The following PALB2 variants were observed in gnomAD, a reference collection of about 807,000 sequenced individuals.
The protein encoded by PALB2 is mutant partner and localizer of BRCA2.
PALB2 carries 82 observed loss-of-function variants against 107.4 expected under a neutral mutation model. That is an observed-to-expected ratio of 0.76 (90% CI 0.64 to 0.92). The LOEUF (loss-of-function observed/expected upper bound fraction) is 0.92. Among genes scored for constraint, PALB2 ranks in the 40% least tolerant of loss-of-function variants. The probability of loss-of-function intolerance (pLI) is 0.00; values close to 1 mark genes in which losing one functional copy is unlikely to be tolerated. For synonymous variants in PALB2, 489 were observed against 496.8 expected (o/e 0.98, Z 0.21); for missense variants, 1,374 against 1,379.9 (o/e 1.00, Z 0.07).
intron 9 of PALB2, among the ~76,000 whole-genome samples, chr16:23,622,277 TA>T (rs1966786316): frequency 6.6e-6 from 1 of 152,188 alleles, no homozygotes; most frequent in African/African-American, 2.4e-5. Context: ...GGTAGAAATG[TA>T]TGTTTGCAAG....
At position 23,637,874 on chromosome 16, in the gene PALB2, G is replaced by A. The variant is rs730881899; in HGVS notation, c.187C>T (p.Leu63Phe). ...CCTGAGTGTTTTAGCTGCGGTGAGA[G>A]ATCCTGCTGAGACAAACAATCTTGT... ...EEQDCLSQQD[L>F]SPQLKHSEPK... The change falls in exon 3 of 13, where the codon CTC becomes TTC. Residue 63 changes from leucine (L) to phenylalanine (F), a missense_variant. Leu to Phe is a conservative substitution (Grantham distance 22). Coordinates refer to ENST00000261584, the MANE Select transcript of PALB2 (RefSeq NM_024675.4). 5 of 1,613,502 alleles carry A rather than the reference G, an allele frequency of 3.1e-6. No homozygotes were observed. In the African/African-American group the frequency reaches 5.3e-5, roughly 17 times the overall value.
chr16:23,625,160 C>G (rs531896830), intron 7 of PALB2, among the ~76,000 whole-genome samples: 13 of 152,178 alleles, frequency 8.5e-5, no homozygotes, highest in African/African-American at 2.9e-4. Context: ...TGGTAAAACC[C>G]CATCTCTACT....
At chr16:23,632,963 G>A (rs1966897707) in intron 4 of PALB2, among the ~76,000 whole-genome samples, 1 of 152,106 alleles carries the variant, frequency 6.6e-6, no homozygotes, top group East Asian at 1.9e-4. Flanking sequence ...GTGTGGTGGT[G>A]GGCACCTGTA....
At chr16:23,621,548 T>C (rs1275711324) in intron 9 of PALB2, 70 bp from the exon 10 acceptor site, 3 of 922,262 alleles carry the variant, frequency 3.3e-6, no homozygotes, top group Non-Finnish European at 5.4e-6. Context: ...CTTCTCCGCA[T>C]TGTTGAACTG....
At chr16:23,606,266 C>T (rs571994327) in intron 12 of PALB2, among the ~76,000 whole-genome samples, 54 of 151,694 alleles carry the variant, frequency 3.6e-4, no homozygotes, top group East Asian at 2.5e-3. Context: ...ATTAGCCAAG[C>T]GTGGTGGCAT....
Position 23,603,165 on chromosome 16 carries a change from T to C in PALB2, c.*294A>G. 1 of 352,550 alleles carries C rather than the reference T, an allele frequency of 2.8e-6. No homozygotes were observed. Among genetic ancestry groups the C allele is most frequent in the Middle Eastern group, 8.4e-4 (1 of 1,190 alleles). The allele number at this position is 352,550 out of a possible 1,614,324, so 21.8% of individuals were successfully genotyped here. ...GGAAACAATAACATGCCAAGCAGAATGTATAAAAATAAATATTTATTGCCA... is the reference window on the plus strand; with the variant it reads ...GGAAACAATAACATGCCAAGCAGAACGTATAAAAATAAATATTTATTGCCA... On this transcript the variant is annotated 3_prime_UTR_variant, in exon 13 of 13. Transcript: ENST00000261584.
Position 23,607,836 on chromosome 16 carries a change from C to A in PALB2, c.3350+28G>T, listed in dbSNP as rs1167227025. 3 of 1,613,102 alleles carry A rather than the reference C, an allele frequency of 1.9e-6. No homozygotes were observed. The African/African-American group carries it at 4.0e-5, about 22-fold the overall frequency. Reference sequence around the variant, plus strand: ...CACAGTGCCTTTCAGAATGTCCCACCCATAGAGTAGCAGTTATGCACACTT... The same window carrying A: ...CACAGTGCCTTTCAGAATGTCCCACACATAGAGTAGCAGTTATGCACACTT... On this transcript the variant is annotated intron_variant, in intron 12 of 12. Transcript: ENST00000261584.
rs1555461243 is a variant in PALB2 at position 23,635,039 on chromosome 16, C to G, written c.1507G>C (p.Ala503Pro). 6.2e-7 allele frequency: 1 copy of G among 1,614,136 alleles called. No homozygotes were observed. Among genetic ancestry groups the G allele is most frequent in the Admixed American group, 1.7e-5 (1 of 60,016 alleles). ...PTEDNDLSRK[A>P]VAQAPGRRYT... is the part of the protein sequence containing the mutation. ...CTTCTACCAGGTGCTTGGGCAACTG[C>G]CTTCCTAGACAAGTCATTATCTTCA... is the stretch of plus-strand genomic sequence containing the variant. The change falls in exon 4 of 13, where the codon GCA becomes CCA. Residue 503 changes from alanine (A) to proline (P), a missense_variant. Ala to Pro is a conservative substitution (Grantham distance 27). Transcript: ENST00000261584.
At position 23,629,928 on chromosome 16, in the gene PALB2, G is replaced by C. The variant is rs2142377848; in HGVS notation, c.2226C>G (p.Ser742=). ...GTTPAFGPQG[S]YEKASTEVAG... Reference sequence around the variant, plus strand: ...CAACTTCTGTAGATGCTTTTTCATAGGAGCCTTGAGGGCCAAAGGCTGGAG... The same window carrying C: ...CAACTTCTGTAGATGCTTTTTCATACGAGCCTTGAGGGCCAAAGGCTGGAG... Residue 742 remains serine (S), a synonymous_variant, in exon 5 of 13, where the codon TCC becomes TCG. Coordinates refer to ENST00000261584, the MANE Select transcript of PALB2 (RefSeq NM_024675.4). The C allele has an allele frequency of 1.2e-6, 2 of 1,614,210 alleles. No homozygotes were observed. Among genetic ancestry groups the C allele is most frequent in the Non-Finnish European group, 1.7e-6 (2 of 1,180,032 alleles).
chr16:23,618,741 T>G (rs900792376), intron 10 of PALB2, among the ~76,000 whole-genome samples: 1 of 152,072 alleles, frequency 6.6e-6, no homozygotes, highest in African/African-American at 2.4e-5. Flanking sequence ...AACTACTAGA[T>G]TATTTTAACA....
chr16:23,614,596 G>A (rs1966646034), intron 10 of PALB2, among the ~76,000 whole-genome samples: 1 of 151,544 alleles, frequency 6.6e-6, no homozygotes, highest in Non-Finnish European at 1.5e-5. Context: ...GAAGAGAGGG[G>A]TGAATATAAA....
chr16:23,604,412 G>A (rs1966423972), intron 12 of PALB2, among the ~76,000 whole-genome samples: 1 of 152,246 alleles, frequency 6.6e-6, no homozygotes, highest in South Asian at 2.1e-4. Flanking sequence ...GAGGTTAAAT[G>A]AAACAGTTCC....
intron 9 of PALB2, 123 bp from the exon 10 acceptor site, chr16:23,621,601 C>A: frequency 1.4e-6 from 1 of 690,388 alleles, no homozygotes; most frequent in Admixed American, 2.3e-5. Context: ...AAAATCTAAC[C>A]CAGAAAACGT....
At chr16:23,622,673 G>A (rs1191269743) in intron 9 of PALB2, among the ~76,000 whole-genome samples, 1 of 152,216 alleles carries the variant, frequency 6.6e-6, no homozygotes, top group East Asian at 1.9e-4. Flanking sequence ...TTATGGGCAT[G>A]AGCCACTGTG....
chr16:23,627,896 A>C (rs537715404), intron 6 of PALB2, among the ~76,000 whole-genome samples: 1 of 152,332 alleles, frequency 6.6e-6, no homozygotes, highest in East Asian at 1.9e-4. Context: ...CACATTTGAA[A>C]ATATGAATGA....
rs759810283 is a variant in PALB2, at chr16:23,635,800, G to A, written c.746C>T (p.Pro249Leu). 5 of 1,614,170 alleles carry A rather than the reference G, an allele frequency of 3.1e-6. No individual in the cohort carries two copies. The East Asian group carries it at 1.1e-4, about 36-fold the overall frequency. ...RPNFTRATTV[P>L]LQTLSDSGSS... ...ACCGCTATCTGATAGAGTCTGTAAAGGAACTGTAGTCGCCCTGGTGAAATT... is the reference window on the plus strand; with the variant it reads ...ACCGCTATCTGATAGAGTCTGTAAAAGAACTGTAGTCGCCCTGGTGAAATT... The change falls in exon 4 of 13, where the codon CCT (proline) becomes CTT (leucine). Residue 249 changes from proline to leucine, a missense_variant. Coordinates refer to ENST00000261584, the MANE Select transcript of PALB2 (RefSeq NM_024675.4).
chr16:23,634,508 C>T (rs1966933769), intron 4 of PALB2, among the ~76,000 whole-genome samples: 1 of 152,070 alleles, frequency 6.6e-6, no homozygotes, highest in Non-Finnish European at 1.5e-5. Context: ...AAACATTAGC[C>T]AGGCATGGTG....
At chr16:23,637,425 C>T (rs982868299) in intron 3 of PALB2, among the ~76,000 whole-genome samples, 3 of 150,980 alleles carry the variant, frequency 2.0e-5, no homozygotes, top group Admixed American at 6.6e-5. Context: ...ATATTGCAGC[C>T]GGGCACAGTG....
intron 11 of PALB2, among the ~76,000 whole-genome samples, chr16:23,608,795 T>TACACACACACACAC (rs1421547760): frequency 4.8e-4 from 54 of 113,304 alleles, no homozygotes; most frequent in African/African-American, 1.8e-3. Context: ...TATGTGTGTA[T>TACACACACACACAC]ATATATACAC....
Sources: gnomAD v4.1 joint callset for allele counts (sites outside exome capture counted in the v4.1 genomes callset) on GRCh38, gnomAD v4.1.1 for gene constraint, MANE v1.5 for transcripts, NCBI Gene and HGNC (gene_info 2026-07-23, HGNC 2026-07-21) for gene names.